RPL41: variants seen among roughly 807,000 people sequenced by gnomAD.
The protein encoded by RPL41 is small ribosomal subunit protein eS32.
A neutral mutation model predicts 7.3 loss-of-function variants in RPL41; 3 were observed. The ratio of observed to expected loss-of-function variants is 0.41; its 90% confidence interval spans 0.19 to 1.06. The LOEUF is 1.06. Ranked by LOEUF, RPL41 falls within the 50% of genes least tolerant of loss-of-function variation. The pLI is 0.32. For synonymous variants in RPL41, 9 were observed against 7.4 expected (o/e 1.21, Z -0.34); for missense variants, 13 against 30.4 (o/e 0.43, Z 1.35).
Position 56,117,884 on chromosome 12 carries a change from T to C in RPL41, c.*360T>C. On this transcript the variant is annotated 3_prime_UTR_variant, in exon 3 of 3. Transcript: ENST00000546591. ...CCATCGGGTGGGGGTTTTCTGTCAT[T>C]AGAGTTTGCCCTGTCACTACCTGTG... is the stretch of plus-strand genomic sequence containing the variant. 1 of 355,060 alleles carries C rather than the reference T, an allele frequency of 2.8e-6. No homozygotes were observed. Among genetic ancestry groups the C allele is most frequent in the Non-Finnish European group, 5.5e-6 (1 of 181,814 alleles). The allele number at this position is 355,060 out of a possible 1,614,324, so 22.0% of individuals were successfully genotyped here.
rs1277136308 is a variant in RPL41 at position 56,116,640 on chromosome 12, C to G, written c.-148C>G. On this transcript the variant is annotated 5_prime_UTR_variant, in exon 1 of 3. Coordinates refer to ENST00000546591, the MANE Select transcript of RPL41 (RefSeq NM_001035267.2). ...AGACGGAACTTCGCCTTTCTCTCGG[C>G]CTTAGCGCCATTTTTTTGGGTGAGT... is the stretch of plus-strand genomic sequence containing the variant. 3 of 964,360 alleles carry G rather than the reference C, an allele frequency of 3.1e-6. No individual in the cohort carries two copies. The highest frequency in any genetic ancestry group is 1.6e-5 in the African/African-American group (1 of 62,144). The allele number at this position is 964,360 out of a possible 1,614,324, so 59.7% of individuals were successfully genotyped here.
At chr12:56,117,009 T>C (rs971250098) in intron 1 of RPL41, 180 bp from the exon 2 acceptor site, 50 of 1,079,646 alleles carry the variant, frequency 4.6e-5, no homozygotes, top group Middle Eastern at 2.9e-4. Flanking sequence ...TCTGATCTTA[T>C]GTTGGGAGGG....
At position 56,116,753 on chromosome 12, in the gene RPL41, G is replaced by A. The variant is rs1869612716; in HGVS notation, c.-35G>A. The A allele has an allele frequency of 1.2e-6, 2 of 1,613,798 alleles. No individual in the cohort carries two copies. The highest frequency in any genetic ancestry group is 1.1e-5 in the South Asian group (1 of 91,086). On this transcript the variant is annotated 5_prime_UTR_variant, in exon 1 of 3. Transcript: ENST00000546591. The stretch of plus-strand genomic sequence containing the variant: ...GCATCATCACAGCAAACTAACTGTA[G>A]CCTTTCTCTCTTTCCCTGTAGAAAC...
chr12:56,116,953 G>A (rs1214071866), intron 1 of RPL41, 154 bp downstream of exon 1: 1 of 1,175,164 alleles, frequency 8.5e-7, no homozygotes, highest in Middle Eastern at 2.2e-4. Flanking sequence ...AGAGCTAGCG[G>A]TTAAGTGCTA....
At chr12:56,117,012 T>C (rs1869626694) in intron 1 of RPL41, 177 bp from the exon 2 acceptor site, 4 of 1,078,708 alleles carry the variant, frequency 3.7e-6, no homozygotes, top group Non-Finnish European at 5.4e-6. Context: ...GATCTTATGT[T>C]GGGAGGGTGT....
rs912371469 is a variant in RPL41 at position 56,117,696 on chromosome 12, C to T, written c.*172C>T. 2.2e-5 allele frequency: 14 copies of T among 628,670 alleles called. No individual in the cohort carries two copies. Among genetic ancestry groups the T allele is most frequent in the Non-Finnish European group, 4.0e-5 (14 of 347,738 alleles). The allele number at this position is 628,670 out of a possible 1,614,324, so 38.9% of individuals were successfully genotyped here. Reference sequence around the variant, plus strand: ...GATCACCTCTGAGACCCACCTTGCTCATAAACAAAATGCCCATGTTGGTCC... The same window carrying T: ...GATCACCTCTGAGACCCACCTTGCTTATAAACAAAATGCCCATGTTGGTCC... On this transcript the variant is annotated 3_prime_UTR_variant, in exon 3 of 3. Coordinates refer to ENST00000546591, the MANE Select transcript of RPL41 (RefSeq NM_001035267.2).
chr12:56,117,135 TC>T, intron 1 of RPL41, 53 bp from the exon 2 acceptor site: 2 of 1,490,168 alleles, frequency 1.3e-6, no homozygotes, highest in Non-Finnish European at 1.8e-6. Flanking sequence ...ATAAGCTTCA[TC>T]CCTTTTTTTT....
chr12:56,117,288 T>C, intron 2 of RPL41, 77 bp downstream of exon 2: 1 of 1,537,138 alleles, frequency 6.5e-7, no homozygotes, highest in Non-Finnish European at 8.8e-7. Flanking sequence ...GGTTTGGAAA[T>C]CTTAAAAGAT....
rs371815978 is a variant in RPL41, at chr12:56,117,355, G to C, written c.36-127G>C. 24 of 1,398,798 alleles carry C rather than the reference G, an allele frequency of 1.7e-5. 1 individual carries two copies. Among genetic ancestry groups the C allele is most frequent in the East Asian group, 1.5e-4 (6 of 40,202 alleles). The allele number at this position is 1,398,798 out of a possible 1,614,324, so 86.6% of individuals were successfully genotyped here. ...CCTGGAGCCAGGATTTAACAGAACA[G>C]AGAACGATAGAACCGTAGTGCTTGT... On this transcript the variant is annotated intron_variant, in intron 2 of 2. Transcript: ENST00000546591.
rs1161287778 is a variant in RPL41 at position 56,116,728 on chromosome 12, G to T, written c.-60G>T. 3 of 1,601,928 alleles carry T rather than the reference G, an allele frequency of 1.9e-6. No individual in the cohort carries two copies. The African/African-American group carries it at 4.0e-5, about 21-fold the overall frequency. The stretch of plus-strand genomic sequence containing the variant: ...CATAGACATCTGACCTCGGCACTTA[G>T]CATCATCACAGCAAACTAACTGTAG... On this transcript the variant is annotated 5_prime_UTR_variant, in exon 1 of 3. Transcript: ENST00000546591.
intron 1 of RPL41, 167 bp downstream of exon 1, chr12:56,116,966 G>T: frequency 9.0e-7 from 1 of 1,106,864 alleles, no homozygotes; most frequent in Non-Finnish European, 1.4e-6. Flanking sequence ...AAGTGCTATG[G>T]GTAGAGAGGG....
Position 56,117,194 on chromosome 12 carries a change from G to A in RPL41, c.18G>A (p.Arg6=), listed in dbSNP as rs756514713. Residue 6 remains arginine (R), a synonymous_variant, in exon 2 of 3, where the codon AGG becomes AGA. Coordinates refer to ENST00000546591, the MANE Select transcript of RPL41 (RefSeq NM_001035267.2). ...TGCTTGTGATCGGTTGCTAGTGGAGGAAGAAGCGAATGCGCAGGTACGTTG... is the reference window on the plus strand; with the variant it reads ...TGCTTGTGATCGGTTGCTAGTGGAGAAAGAAGCGAATGCGCAGGTACGTTG... MRAKW[R]KKRMRRLKRK... is the part of the protein sequence containing the mutation. The A allele has an allele frequency of 6.3e-7, 1 of 1,599,300 alleles. No homozygotes were observed. The highest frequency in any genetic ancestry group is 8.5e-7 in the Non-Finnish European group (1 of 1,176,090).
intron 2 of RPL41, 89 bp from the exon 3 acceptor site, chr12:56,117,393 C>T (rs1383983097): frequency 2.1e-6 from 3 of 1,458,624 alleles, no homozygotes; most frequent in Non-Finnish European, 2.8e-6. Context: ...ATTTTACCAC[C>T]TCATTCTTTA....
At position 56,116,778 on chromosome 12, in the gene RPL41, C is replaced by T. The variant is rs1869614889; in HGVS notation, c.-10C>T. 2 of 1,613,918 alleles carry T rather than the reference C, an allele frequency of 1.2e-6. No homozygotes were observed. Among genetic ancestry groups the T allele is most frequent in the East Asian group, 2.2e-5 (1 of 44,906 alleles). ...GCCTTTCTCTCTTTCCCTGTAGAAACCTCTGCGCCATGAGAGCCAAGGTGA... is the reference window on the plus strand; with the variant it reads ...GCCTTTCTCTCTTTCCCTGTAGAAATCTCTGCGCCATGAGAGCCAAGGTGA... On this transcript the variant is annotated 5_prime_UTR_variant, in exon 1 of 3. Coordinates refer to ENST00000546591, the MANE Select transcript of RPL41 (RefSeq NM_001035267.2).
chr12:56,116,817 G>C lies in RPL41; in HGVS notation c.12+18G>C. On this transcript the variant is annotated intron_variant, in intron 1 of 2. Coordinates refer to ENST00000546591, the MANE Select transcript of RPL41 (RefSeq NM_001035267.2). ...GAGCCAAGGTGAGCGGTTCCTGGTAGTAAGCTTGGGAGGTAGGAGTTGGCG... is the reference window on the plus strand; with the variant it reads ...GAGCCAAGGTGAGCGGTTCCTGGTACTAAGCTTGGGAGGTAGGAGTTGGCG... 6.2e-7 allele frequency: 1 copy of C among 1,614,020 alleles called. No individual in the cohort carries two copies. Among genetic ancestry groups the C allele is most frequent in the South Asian group, 1.1e-5 (1 of 91,086 alleles).
Position 56,116,689 on chromosome 12 carries a change from T to C in RPL41, c.-99T>C, listed in dbSNP as rs1869609225. 7.0e-7 allele frequency: 1 copy of C among 1,434,828 alleles called. No homozygotes were observed. Among genetic ancestry groups the C allele is most frequent in the East Asian group, 2.3e-5 (1 of 43,840 alleles). The allele number at this position is 1,434,828 out of a possible 1,614,324, so 88.9% of individuals were successfully genotyped here. On this transcript the variant is annotated 5_prime_UTR_variant, in exon 1 of 3. Transcript: ENST00000546591. The stretch of plus-strand genomic sequence containing the variant: ...GTGTTTTTTGGTTCCTGCGTTGGGA[T>C]TCCGTGTACAATCCATAGACATCTG...
At position 56,116,779 on chromosome 12, in the gene RPL41, C is replaced by T. The variant is rs1285907579; in HGVS notation, c.-9C>T. 3 of 1,613,880 alleles carry T rather than the reference C, an allele frequency of 1.9e-6. No individual in the cohort carries two copies. The highest frequency in any genetic ancestry group is 2.5e-6 in the Non-Finnish European group (3 of 1,179,892). ...CCTTTCTCTCTTTCCCTGTAGAAACCTCTGCGCCATGAGAGCCAAGGTGAG... is the reference window on the plus strand; with the variant it reads ...CCTTTCTCTCTTTCCCTGTAGAAACTTCTGCGCCATGAGAGCCAAGGTGAG... On this transcript the variant is annotated 5_prime_UTR_variant, in exon 1 of 3. Transcript: ENST00000546591.
At chr12:56,117,409 A>C in intron 2 of RPL41, 73 bp from the exon 3 acceptor site, 1 of 1,483,274 alleles carries the variant, frequency 6.7e-7, no homozygotes, top group South Asian at 1.2e-5. Flanking sequence ...CTTTATGTGG[A>C]CGTTTGATTT....
intron 1 of RPL41, 147 bp from the exon 2 acceptor site, chr12:56,117,042 G>T (rs1869628781): frequency 4.0e-6 from 5 of 1,257,340 alleles, no homozygotes; most frequent in Middle Eastern, 2.4e-4. Flanking sequence ...TGATGTAGTT[G>T]TTACGACCAA....
Sources: allele counts gnomAD v4.1 joint callset, GRCh38; gene constraint gnomAD v4.1.1; transcripts MANE v1.5; gene names NCBI Gene and HGNC (gene_info 2026-07-23, HGNC 2026-07-21).